OR1N2: variants seen among roughly 807,000 people sequenced by gnomAD.
The protein encoded by OR1N2 is olfactory receptor 1N2.
For missense variants in OR1N2, 358 were observed against 380.2 expected, an observed-to-expected ratio of 0.94 and a Z score of 0.49; for synonymous variants, 152 against 149.3, an observed-to-expected ratio of 1.02 and a Z score of -0.13.
chr9:122,553,757 T>G lies in OR1N2; in HGVS notation c.546T>G (p.Cys182Trp). Reference sequence around the variant, plus strand: ...AGAAAGCCATCCCTCATTTCTATTGTGATCCTAGTGCTCTCCTGAAGCTTG... The same window carrying G: ...AGAAAGCCATCCCTCATTTCTATTGGGATCCTAGTGCTCTCCTGAAGCTTG... ...CAQKAIPHFYCDPSALLKLAC... is the reference protein window; with the variant it reads ...CAQKAIPHFYWDPSALLKLAC... The change falls in exon 1 of 1, where the codon TGT becomes TGG. Residue 182 changes from cysteine (C) to tryptophan (W), a missense_variant. Cys to Trp is a radical substitution (Grantham distance 215). Transcript: ENST00000373688. 1 of 1,614,088 alleles carries G rather than the reference T, an allele frequency of 6.2e-7. No homozygotes were observed.
At position 122,553,719 on chromosome 9, in the gene OR1N2, G is replaced by C. The variant is rs1407802943; in HGVS notation, c.508G>C (p.Ala170Pro). ...LMHTLLLTRV[A>P]FCAQKAIPHF... ...GCACACACTGTTGCTGACCCGCGTG[G>C]CTTTCTGTGCCCAGAAAGCCATCCC... Residue 170 changes from alanine (A) to proline (P), a missense_variant, in exon 1 of 1, where the codon GCT (alanine) becomes CCT (proline). By Grantham distance (27) the Ala-to-Pro change is conservative. Coordinates refer to ENST00000373688, the MANE Select transcript of OR1N2 (RefSeq NM_001004457.2). 1.2e-6 allele frequency: 2 copies of C among 1,613,940 alleles called. No homozygotes were observed. Among genetic ancestry groups the C allele is most frequent in the Non-Finnish European group, 1.7e-6 (2 of 1,179,958 alleles).
rs750641387 is a variant in OR1N2 at position 122,553,277 on chromosome 9, G to C, written c.66G>C (p.Glu22Asp). Residue 22 changes from glutamate to aspartate, a missense_variant, in exon 1 of 1, where the codon GAG (glutamate) becomes GAC (aspartate). Coordinates refer to ENST00000373688, the MANE Select transcript of OR1N2 (RefSeq NM_001004457.2). ...ACTTCCTCCTTCTAGGACTCTCTGAGTGGCCAGAGGAGCAGCCTCTTCTGT... is the reference window on the plus strand; with the variant it reads ...ACTTCCTCCTTCTAGGACTCTCTGACTGGCCAGAGGAGCAGCCTCTTCTGT... The part of the protein sequence containing the change: ...VSDFLLLGLS[E>D]WPEEQPLLFG... 13 of 1,613,962 alleles carry C rather than the reference G, an allele frequency of 8.1e-6. No homozygotes were observed. The highest frequency in any genetic ancestry group is 6.7e-5 in the Admixed American group (4 of 59,994).
At position 122,553,889 on chromosome 9, in the gene OR1N2, G is replaced by T. The variant is rs749350377; in HGVS notation, c.678G>T (p.Trp226Cys). 1 of 1,613,956 alleles carries T rather than the reference G, an allele frequency of 6.2e-7. No homozygotes were observed. Among genetic ancestry groups the T allele is most frequent in the South Asian group, 1.1e-5 (1 of 91,058 alleles). Reference sequence around the variant, plus strand: ...TCTTCTCCTATGTCCGCATTTTCTGGGCTGTGTTTGTCATCTCATCTCCTG... The same window carrying T: ...TCTTCTCCTATGTCCGCATTTTCTGTGCTGTGTTTGTCATCTCATCTCCTG... ...LIVFSYVRIF[W>C]AVFVISSPGG... The change falls in exon 1 of 1, where the codon TGG (tryptophan) becomes TGT (cysteine). Residue 226 changes from tryptophan (W) to cysteine (C), a missense_variant. Transcript: ENST00000373688.
In OR1N2 at chr9:122,553,817, C is replaced by A. The variant is rs1197924595; in HGVS notation, c.606C>A (p.Ile202=). 16 of 1,614,040 alleles carry A rather than the reference C, an allele frequency of 9.9e-6. No individual in the cohort carries two copies. The highest frequency in any genetic ancestry group is 2.2e-5 in the East Asian group (1 of 44,858). The change falls in exon 1 of 1, where the codon ATC becomes ATA. Residue 202 remains isoleucine, a synonymous_variant. Coordinates refer to ENST00000373688, the MANE Select transcript of OR1N2 (RefSeq NM_001004457.2). ...ATACCCATGTAAACGAGCTGATGAT[C>A]ATCACCATGGGCTTGCTGTTCCTCA... ...CSDTHVNELM[I]ITMGLLFLTV...
rs142516134 is a variant in OR1N2 at position 122,553,805 on chromosome 9, C to T, written c.594C>T (p.Asn198=). 1.9e-4 allele frequency: 303 copies of T among 1,613,972 alleles called. 3 individuals are homozygous for T. In the Middle Eastern group the frequency reaches 2.0e-3, roughly 11 times the overall value. Residue 198 remains asparagine, a synonymous_variant, in exon 1 of 1, where the codon AAC becomes AAT. Transcript: ENST00000373688. ...TTGCCTGCTCAGATACCCATGTAAA[C>T]GAGCTGATGATCATCACCATGGGCT... The part of the protein sequence containing the change: ...LKLACSDTHV[N]ELMIITMGLL...
rs1342710367 is a variant in OR1N2 at position 122,553,645 on chromosome 9, C to T, written c.434C>T (p.Ala145Val). ...ACATCTATGAGTCCCCAGCTCTGTG[C>T]ACTAATGCTGGGTGTGTGCTGGGTG... ...YSTSMSPQLC[A>V]LMLGVCWVLT... The change falls in exon 1 of 1, where the codon GCA (alanine) becomes GTA (valine). Residue 145 changes from alanine (A) to valine (V), a missense_variant. Ala to Val is a moderately conservative substitution (Grantham distance 64). Coordinates refer to ENST00000373688, the MANE Select transcript of OR1N2 (RefSeq NM_001004457.2). 6 of 1,614,058 alleles carry T rather than the reference C, an allele frequency of 3.7e-6. No homozygotes were observed. The highest frequency in any genetic ancestry group is 4.2e-6 in the Non-Finnish European group (5 of 1,179,960).
chr9:122,553,281 C>T lies in OR1N2; in HGVS notation c.70C>T (p.Pro24Ser). 8 of 1,613,764 alleles carry T rather than the reference C, an allele frequency of 5.0e-6. No homozygotes were observed. The highest frequency in any genetic ancestry group is 6.8e-6 in the Non-Finnish European group (8 of 1,179,708). Reference sequence around the variant, plus strand: ...CCTCCTTCTAGGACTCTCTGAGTGGCCAGAGGAGCAGCCTCTTCTGTTTGG... The same window carrying T: ...CCTCCTTCTAGGACTCTCTGAGTGGTCAGAGGAGCAGCCTCTTCTGTTTGG... ...DFLLLGLSEW[P>S]EEQPLLFGIF... The change falls in exon 1 of 1, where the codon CCA becomes TCA. Residue 24 changes from proline (P) to serine (S), a missense_variant. By Grantham distance (74) the Pro-to-Ser change is moderately conservative (BLOSUM62 -1). Transcript: ENST00000373688.
In OR1N2 at chr9:122,553,329, G is replaced by A; in HGVS notation, c.118G>A (p.Val40Ile). ...LFGIFLGMYL[V>I]TMVGNLLIIL... ...TGGCATCTTCCTTGGCATGTACCTGGTCACCATGGTGGGGAACCTGCTCAT... is the reference window on the plus strand; with the variant it reads ...TGGCATCTTCCTTGGCATGTACCTGATCACCATGGTGGGGAACCTGCTCAT... The change falls in exon 1 of 1, where the codon GTC becomes ATC. Residue 40 changes from valine to isoleucine, a missense_variant. Transcript: ENST00000373688. 1 of 1,613,960 alleles carries A rather than the reference G, an allele frequency of 6.2e-7. No individual in the cohort carries two copies. The highest frequency in any genetic ancestry group is 1.1e-5 in the South Asian group (1 of 91,054).
chr9:122,553,653 C>G lies in OR1N2; in HGVS notation c.442C>G (p.Leu148Val), dbSNP rs772516119. Residue 148 changes from leucine (L) to valine (V), a missense_variant, in exon 1 of 1, where the codon CTG becomes GTG. Leu to Val is a conservative substitution (Grantham distance 32, BLOSUM62 1). Coordinates refer to ENST00000373688, the MANE Select transcript of OR1N2 (RefSeq NM_001004457.2). ...SMSPQLCALM[L>V]GVCWVLTNCP... ...GAGTCCCCAGCTCTGTGCACTAATGCTGGGTGTGTGCTGGGTGCTAACCAA... is the reference window on the plus strand; with the variant it reads ...GAGTCCCCAGCTCTGTGCACTAATGGTGGGTGTGTGCTGGGTGCTAACCAA... 3.1e-6 allele frequency: 5 copies of G among 1,614,132 alleles called. No homozygotes were observed. Among genetic ancestry groups the G allele is most frequent in the Non-Finnish European group, 4.2e-6 (5 of 1,180,024 alleles).
In OR1N2 at chr9:122,553,347, C is replaced by G; in HGVS notation, c.136C>G (p.Leu46Val). 6.2e-7 allele frequency: 1 copy of G among 1,613,990 alleles called. No individual in the cohort carries two copies. Among genetic ancestry groups the G allele is most frequent in the Non-Finnish European group, 8.5e-7 (1 of 1,179,958 alleles). Residue 46 changes from leucine to valine, a missense_variant, in exon 1 of 1, where the codon CTG (leucine) becomes GTG (valine). Leu to Val is a conservative substitution (Grantham distance 32, BLOSUM62 1). Coordinates refer to ENST00000373688, the MANE Select transcript of OR1N2 (RefSeq NM_001004457.2). The stretch of plus-strand genomic sequence containing the variant: ...GTACCTGGTCACCATGGTGGGGAAC[C>G]TGCTCATTATCCTGGCCATCAGCTC... ...GMYLVTMVGN[L>V]LIILAISSDP...
chr9:122,553,386 C>T lies in OR1N2; in HGVS notation c.175C>T (p.His59Tyr). ...GGCCATCAGCTCTGACCCACACCTC[C>T]ATACTCCCATGTACTTCTTTCTGGC... ...ILAISSDPHL[H>Y]TPMYFFLANL... The change falls in exon 1 of 1, where the codon CAT (histidine) becomes TAT (tyrosine). Residue 59 changes from histidine to tyrosine, a missense_variant. His to Tyr is a moderately conservative substitution (Grantham distance 83). Transcript: ENST00000373688. The T allele has an allele frequency of 4.3e-6, 7 of 1,614,148 alleles. No homozygotes were observed. The highest frequency in any genetic ancestry group is 5.9e-6 in the Non-Finnish European group (7 of 1,180,016).
Position 122,554,172 on chromosome 9 carries a change from T to G in OR1N2, c.*10T>G. 1 of 1,588,066 alleles carries G rather than the reference T, an allele frequency of 6.3e-7. No individual in the cohort carries two copies. Among genetic ancestry groups the G allele is most frequent in the Non-Finnish European group, 8.6e-7 (1 of 1,162,136 alleles). On this transcript the variant is annotated 3_prime_UTR_variant, in exon 1 of 1. Transcript: ENST00000373688. ...AACATTCTTTTTATGATTAGACATC[T>G]AGACGGTGATGTCTAATCTTGATCA...
At position 122,553,635 on chromosome 9, in the gene OR1N2, C is replaced by T. The variant is rs139524296; in HGVS notation, c.424C>T (p.Gln142Ter). ...PLHYSTSMSP[Q>*]LCALMLGVCW... ...CCATTACAGCACATCTATGAGTCCC[C>T]AGCTCTGTGCACTAATGCTGGGTGT... The change falls in exon 1 of 1, where the codon CAG becomes TAG. Residue 142 changes from glutamine (Q) to a stop codon, truncating the protein, a stop_gained. Coordinates refer to ENST00000373688, the MANE Select transcript of OR1N2 (RefSeq NM_001004457.2). LOFTEE classifies it low-confidence loss of function (END_TRUNC). 56 of 1,614,030 alleles carry T rather than the reference C, an allele frequency of 3.5e-5. No homozygotes were observed. Among genetic ancestry groups the T allele is most frequent in the Non-Finnish European group, 4.4e-5 (52 of 1,180,036 alleles).
rs749350377 is a variant in OR1N2 at position 122,553,889 on chromosome 9, G to A, written c.678G>A (p.Trp226Ter). 6.2e-7 allele frequency: 1 copy of A among 1,613,956 alleles called. No individual in the cohort carries two copies. Among genetic ancestry groups the A allele is most frequent in the Non-Finnish European group, 8.5e-7 (1 of 1,179,976 alleles). The change falls in exon 1 of 1, where the codon TGG (tryptophan) becomes TGA (stop). Residue 226 changes from tryptophan (W) to a stop codon, truncating the protein, a stop_gained. Coordinates refer to ENST00000373688, the MANE Select transcript of OR1N2 (RefSeq NM_001004457.2). LOFTEE classifies it low-confidence loss of function (END_TRUNC). ...LIVFSYVRIF[W>*]AVFVISSPGG... ...TCTTCTCCTATGTCCGCATTTTCTG[G>A]GCTGTGTTTGTCATCTCATCTCCTG...
At position 122,554,143 on chromosome 9, in the gene OR1N2, G is replaced by GAA. The variant is rs1829238834; in HGVS notation, c.936_937dup (p.Thr313LysfsTer7). 2 of 1,610,932 alleles carry GAA rather than the reference G, an allele frequency of 1.2e-6. No individual in the cohort carries two copies. Among genetic ancestry groups the GAA allele is most frequent in the African/African-American group, 2.7e-5 (2 of 74,712 alleles). ...GCTTTGGGTAAACTTTTTGTCAGTG[G>GAA]AAAAACATTCTTTTTATGATTAGAC... On this transcript the variant is annotated frameshift_variant, in exon 1 of 1. Transcript: ENST00000373688. LOFTEE classifies it high-confidence loss of function.
Position 122,553,471 on chromosome 9 carries a change from A to G in OR1N2, c.260A>G (p.Asn87Ser), listed in dbSNP as rs771255236. The change falls in exon 1 of 1, where the codon AAC (asparagine) becomes AGC (serine). Residue 87 changes from asparagine (N) to serine (S), a missense_variant. Asn to Ser is a conservative substitution (Grantham distance 46, BLOSUM62 1). Transcript: ENST00000373688. ...GCCTCCATCCCCAAAATGCTGGCCA[A>G]CATTCATACCCAGAGTCAGATCATC... ...TSASIPKMLA[N>S]IHTQSQIISY... The G allele has an allele frequency of 4.3e-6, 7 of 1,613,954 alleles. No homozygotes were observed. In the South Asian group the frequency reaches 6.6e-5, roughly 15 times the overall value.
rs745751969 is a variant in OR1N2, at chr9:122,554,053, A to G, written c.842A>G (p.Tyr281Cys). The G allele has an allele frequency of 4.3e-6, 7 of 1,613,570 alleles. No individual in the cohort carries two copies. The South Asian group carries it at 5.5e-5, about 13-fold the overall frequency. The change falls in exon 1 of 1, where the codon TAT (tyrosine) becomes TGT (cysteine). Residue 281 changes from tyrosine (Y) to cysteine (C), a missense_variant. Coordinates refer to ENST00000373688, the MANE Select transcript of OR1N2 (RefSeq NM_001004457.2). ...AGGGAAAGTAGGGCTGCTGTTCTCT[A>G]TATGGTGATTATTCCCACGCTAAAC... ...TERESRAAVLYMVIIPTLNPF... is the reference protein window; with the variant it reads ...TERESRAAVLCMVIIPTLNPF...
At position 122,553,373 on chromosome 9, in the gene OR1N2, T is replaced by G; in HGVS notation, c.162T>G (p.Ser54=). Residue 54 remains serine, a synonymous_variant, in exon 1 of 1, where the codon TCT becomes TCG. Transcript: ENST00000373688. ...GNLLIILAIS[S]DPHLHTPMYF... is the part of the protein sequence containing the mutation. Reference sequence around the variant, plus strand: ...TGCTCATTATCCTGGCCATCAGCTCTGACCCACACCTCCATACTCCCATGT... The same window carrying G: ...TGCTCATTATCCTGGCCATCAGCTCGGACCCACACCTCCATACTCCCATGT... 1.2e-6 allele frequency: 2 copies of G among 1,614,108 alleles called. No individual in the cohort carries two copies. Among genetic ancestry groups the G allele is most frequent in the Non-Finnish European group, 1.7e-6 (2 of 1,180,008 alleles).
Position 122,553,745 on chromosome 9 carries a change from T to C in OR1N2, c.534T>C (p.Pro178=), listed in dbSNP as rs1008987454. Residue 178 remains proline, a synonymous_variant, in exon 1 of 1, where the codon CCT becomes CCC. Transcript: ENST00000373688. ...RVAFCAQKAI[P]HFYCDPSALL... ...CTTTCTGTGCCCAGAAAGCCATCCC[T>C]CATTTCTATTGTGATCCTAGTGCTC... The C allele has an allele frequency of 1.9e-5, 30 of 1,613,416 alleles. No homozygotes were observed. The highest frequency in any genetic ancestry group is 2.5e-5 in the Non-Finnish European group (29 of 1,179,890).
Sources: allele counts gnomAD v4.1 joint callset, GRCh38; gene constraint gnomAD v4.1.1; transcripts MANE v1.5; gene names NCBI Gene and HGNC (gene_info 2026-07-23, HGNC 2026-07-21).